Variants in REV3L observed in about 807,000 individuals in gnomAD.
The protein encoded by REV3L is DNA polymerase zeta catalytic subunit.
Under a neutral mutation model 299.4 loss-of-function variants are expected in REV3L, and 69 were observed. The observed-to-expected ratio is 0.23, with a 90% CI of 0.19 to 0.28. The LOEUF (loss-of-function observed/expected upper bound fraction) is 0.28, where lower values mean the gene tolerates loss of function less well. REV3L is among the 10% of genes least tolerant of loss of function. The probability of loss-of-function intolerance (pLI) is 1.00; values close to 1 mark genes in which losing one functional copy is unlikely to be tolerated. For synonymous variants in REV3L, 1,238 were observed against 1,271.4 expected (o/e 0.97, Z 0.56); for missense variants, 3,128 against 3,693.8 (o/e 0.85, Z 3.97).
At chr6:111,444,357 A>G (rs569186096) in intron 1 of REV3L, among the ~76,000 whole-genome samples, 13 of 152,332 alleles carry the variant, frequency 8.5e-5, no homozygotes, top group African/African-American at 3.1e-4. Context: ...GAGATTTTTA[A>G]AAACAAGCAT....
chr6:111,373,524 G>T lies in REV3L; in HGVS notation c.4831C>A (p.Gln1611Lys). The T allele has an allele frequency of 6.2e-7, 1 of 1,613,298 alleles. No homozygotes were observed. The highest frequency in any genetic ancestry group is 2.2e-5 in the East Asian group (1 of 44,874). ...VDSLNLQNSS[Q>K]LDNSVSDDSP... ...TCATCTGATACAGAGTTATCCAACT[G>T]GCTAGAGTTTTGTAAATTTAAAGAG... The change falls in exon 13 of 32, where the codon CAG becomes AAG. Residue 1611 changes from glutamine to lysine, a missense_variant. This residue lies in a region of REV3L where 2,409 missense variants were observed against 2,611.8 expected (regional missense o/e 0.92). Transcript: ENST00000368802.
intron 4 of REV3L, among the ~76,000 whole-genome samples, chr6:111,403,473 GTCTC>G (rs532029939): frequency 2.0e-5 from 3 of 152,130 alleles, no homozygotes; most frequent in Non-Finnish European, 4.4e-5. Context: ...TTCATTTTGT[GTCTC>G]TCTGTCACAT....
At chr6:111,467,689 G>A (rs764316119) in intron 1 of REV3L, among the ~76,000 whole-genome samples, 3 of 152,212 alleles carry the variant, frequency 2.0e-5, no homozygotes, top group Admixed American at 6.5e-5. Flanking sequence ...AGGTGTAAGT[G>A]ATAATTTGAA....
At chr6:111,429,203 G>C (rs1786554093) in intron 1 of REV3L, among the ~76,000 whole-genome samples, 1 of 152,122 alleles carries the variant, frequency 6.6e-6, no homozygotes, top group South Asian at 2.1e-4. Flanking sequence ...TGTAGTGATG[G>C]GAATCATGCT....
In REV3L at chr6:111,313,494, G is replaced by A; in HGVS notation, c.8467-5C>T. ...TAAAACACAGGGCAAATATACCTGT[G>A]GTAAAATTAATAAAATGCCTCTTAA... On this transcript the variant is annotated splice_polypyrimidine_tract_variant and splice_region_variant and intron_variant, in intron 27 of 31. Transcript: ENST00000368802. 1 of 1,587,492 alleles carries A rather than the reference G, an allele frequency of 6.3e-7. No individual in the cohort carries two copies. The highest frequency in any genetic ancestry group is 1.4e-5 in the African/African-American group (1 of 73,274).
intron 1 of REV3L, among the ~76,000 whole-genome samples, chr6:111,460,858 A>T (rs764149307): frequency 1.3e-5 from 2 of 152,140 alleles, no homozygotes; most frequent in Non-Finnish European, 2.9e-5. Context: ...TAAGATTACG[A>T]TGAAGCTGAA....
rs758672342 is a variant in REV3L at position 111,373,727 on chromosome 6, T to C, written c.4628A>G (p.Asn1543Ser). 6.2e-7 allele frequency: 1 copy of C among 1,613,910 alleles called. No individual in the cohort carries two copies. The highest frequency in any genetic ancestry group is 8.5e-7 in the Non-Finnish European group (1 of 1,179,958). ...TAATGGGTCTTGTGTAGTATTTGCA[T>C]TTTGTGCTTTCTGCTGTCTTTTTTG... ...LLQKRQQKAQ[N>S]ANTTQDPLSN... Residue 1543 changes from asparagine (N) to serine (S), a missense_variant, in exon 13 of 32, where the codon AAT becomes AGT. Asn to Ser is a conservative substitution (Grantham distance 46). This residue lies in a region of REV3L where 2,409 missense variants were observed against 2,611.8 expected (regional missense o/e 0.92). Coordinates refer to ENST00000368802, the MANE Select transcript of REV3L (RefSeq NM_001372078.1).
At chr6:111,436,514 G>C (rs1197797333) in intron 1 of REV3L, among the ~76,000 whole-genome samples, 1 of 152,124 alleles carries the variant, frequency 6.6e-6, no homozygotes, top group Non-Finnish European at 1.5e-5. Context: ...TATATGTTAA[G>C]TGAAAAAAGC....
chr6:111,442,315 T>C (rs1411839918), intron 1 of REV3L, among the ~76,000 whole-genome samples: 9 of 152,238 alleles, frequency 5.9e-5, no homozygotes, highest in Non-Finnish European at 1.3e-4. Flanking sequence ...CCTTATGTTC[T>C]CCCTTGATGT....
In REV3L at chr6:111,329,660, T is replaced by G; in HGVS notation, c.8113A>C (p.Lys2705Gln). The G allele has an allele frequency of 6.2e-7, 1 of 1,614,106 alleles. No homozygotes were observed. The highest frequency in any genetic ancestry group is 8.5e-7 in the Non-Finnish European group (1 of 1,180,028). Residue 2705 changes from lysine (K) to glutamine (Q), a missense_variant, in exon 25 of 32, where the codon AAG (lysine) becomes CAG (glutamine). Physicochemically the swap from Lys to Gln is moderately conservative, Grantham distance 53. Coordinates refer to ENST00000368802, the MANE Select transcript of REV3L (RefSeq NM_001372078.1). ...AGGGCTCTGTCTTGCTTGTAAGCCTTCATTGACTGCTTCACCATAAATCTA... is the reference window on the plus strand; with the variant it reads ...AGGGCTCTGTCTTGCTTGTAAGCCTGCATTGACTGCTTCACCATAAATCTA... ...KTRFMVKQSM[K>Q]AYKQDRALSR... is the part of the protein sequence containing the mutation.
chr6:111,423,683 T>C (rs1010166584), intron 1 of REV3L, among the ~76,000 whole-genome samples: 2 of 152,092 alleles, frequency 1.3e-5, no homozygotes, highest in African/African-American at 4.8e-5. Context: ...AAGGAAAATC[T>C]GTTTAGGAGG....
intron 13 of REV3L, among the ~76,000 whole-genome samples, chr6:111,369,929 C>G (rs1779618462): frequency 1.3e-5 from 2 of 151,874 alleles, no homozygotes; most frequent in South Asian, 4.2e-4. Context: ...CTCTGACTCC[C>G]TGGTTCAAGT....
chr6:111,465,705 C>A (rs1310412739), intron 1 of REV3L, among the ~76,000 whole-genome samples: 2 of 122,730 alleles, frequency 1.6e-5, no homozygotes, highest in Non-Finnish European at 3.2e-5. Flanking sequence ...AGCACTCTAG[C>A]CTGGGCAACA....
chr6:111,457,573 A>ATAAT (rs17510415), intron 1 of REV3L, among the ~76,000 whole-genome samples: 5,341 of 152,012 alleles, frequency 0.035, 293 homozygotes, highest in African/African-American at 0.12. Flanking sequence ...ATCTTTTGAA[A>ATAAT]TAATTGATGC....
At chr6:111,476,257 G>C (rs77016513) in intron 1 of REV3L, among the ~76,000 whole-genome samples, 3,597 of 152,250 alleles carry the variant, frequency 0.024, 59 homozygotes, top group Admixed American at 0.063. Context: ...CTGGGCTCAA[G>C]CGATCCTCCT....
At chr6:111,479,109 TCA>T (rs1335588792) in intron 1 of REV3L, among the ~76,000 whole-genome samples, 1 of 152,218 alleles carries the variant, frequency 6.6e-6, no homozygotes, top group African/African-American at 2.4e-5. Flanking sequence ...CAAGTCCACC[TCA>T]GTCAAATCCT....
Position 111,357,116 on chromosome 6 carries a change from T to C in REV3L, c.7082A>G (p.Tyr2361Cys), listed in dbSNP as rs1778170844. The change falls in exon 18 of 32, where the codon TAT (tyrosine) becomes TGT (cysteine). Residue 2361 changes from tyrosine to cysteine, a missense_variant. By Grantham distance (194) the Tyr-to-Cys change is radical. Coordinates refer to ENST00000368802, the MANE Select transcript of REV3L (RefSeq NM_001372078.1). ...DKTVFSQDIR[Y>C]QTPLLIRSGI... ...AGATCTAATAAGTAATGGAGTCTGA[T>C]ATCTGATATCTAAAAAACAAACAAA... 4.0e-6 allele frequency: 6 copies of C among 1,508,054 alleles called. No homozygotes were observed. The highest frequency in any genetic ancestry group is 5.4e-6 in the Non-Finnish European group (6 of 1,110,680). 93.4% of individuals were successfully genotyped at this position (1,508,054 alleles called of 1,614,324 possible). A position where few individuals can be genotyped will look rare whatever the true frequency, so the allele number is the denominator to read the frequency against.
intron 1 of REV3L, among the ~76,000 whole-genome samples, chr6:111,464,934 G>C (rs540126564): frequency 6.6e-6 from 1 of 151,848 alleles, no homozygotes; most frequent in Admixed American, 6.6e-5. Flanking sequence ...CCTGGGAGAC[G>C]GAGGCTGCAG....
intron 1 of REV3L, among the ~76,000 whole-genome samples, chr6:111,450,513 A>C (rs1331917168): frequency 7.3e-5 from 11 of 151,034 alleles, no homozygotes; most frequent in Non-Finnish European, 1.5e-5. Flanking sequence ...AAAACCAAAA[A>C]ACATTAGTAT....
Sources: allele counts gnomAD v4.1 joint callset (sites outside exome capture counted in the v4.1 genomes callset), GRCh38; gene constraint gnomAD v4.1.1; regional missense constraint gnomAD v4.1.1; transcripts MANE v1.5; gene names NCBI Gene and HGNC (gene_info 2026-07-23, HGNC 2026-07-21).